CDK12: variants seen among roughly 807,000 people sequenced by gnomAD.
The protein encoded by CDK12 is cyclin dependent kinase 12, also known as cyclin-dependent kinase 12.
In CDK12, 17 loss-of-function variants were observed where a neutral mutation model predicts 133.8. The observed-to-expected ratio is 0.13, with a 90% CI of 0.09 to 0.19. The LOEUF (loss-of-function observed/expected upper bound fraction) is 0.19, where lower values mean the gene tolerates loss of function less well. Ranked by LOEUF, CDK12 falls within the 10% of genes least tolerant of loss-of-function variation. The probability of loss-of-function intolerance (pLI) is 1.00; values close to 1 mark genes in which losing one functional copy is unlikely to be tolerated. For missense variants in CDK12, 1,508 were observed against 1,818.7 expected, an observed-to-expected ratio of 0.83 and a Z score of 3.11; for synonymous variants, 694 against 683.6, an observed-to-expected ratio of 1.02 and a Z score of -0.24.
chr17:39,528,092 G>A (rs778783750), intron 13 of CDK12, among the ~76,000 whole-genome samples: 11 of 150,382 alleles, frequency 7.3e-5, no homozygotes, highest in African/African-American at 1.2e-4. Flanking sequence ...ATTTTTTTTT[G>A]TATTTTTAGT....
intron 2 of CDK12, among the ~76,000 whole-genome samples, chr17:39,482,631 GTC>G (rs1310789704): frequency 3.2e-5 from 1 of 31,396 alleles, no homozygotes. Context: ...GAGGCAGAGT[GTC>G]TCTCTGTCAC....
intron 1 of CDK12, among the ~76,000 whole-genome samples, chr17:39,467,594 AG>A (rs904679964): frequency 3.3e-5 from 5 of 152,150 alleles, no homozygotes; most frequent in African/African-American, 1.2e-4. Context: ...GAGAAATTGA[AG>A]GGTTTCTAAC....
chr17:39,540,602 G>A (rs557921939), intron 1 of CDK12, among the ~76,000 whole-genome samples: 1 of 152,352 alleles, frequency 6.6e-6, no homozygotes, highest in East Asian at 1.9e-4. Context: ...GCCTGTGGCA[G>A]CATGTGCCTG....
At position 39,511,592 on chromosome 17, in the gene CDK12, G is replaced by A. The variant is rs1598118728; in HGVS notation, c.2730G>A (p.Glu910=). ...WYRPPELLLG[E]ERYTPAIDVW... The stretch of plus-strand genomic sequence containing the variant: ...GACCTCCAGAACTACTGCTAGGAGA[G>A]GAACGTTACACACCAGCCATAGATG... The change falls in exon 8 of 14, where the codon GAG becomes GAA. Residue 910 remains glutamate, a synonymous_variant. Coordinates refer to ENST00000447079, the MANE Select transcript of CDK12 (RefSeq NM_016507.4). 1 of 1,613,040 alleles carries A rather than the reference G, an allele frequency of 6.2e-7. No homozygotes were observed. The highest frequency in any genetic ancestry group is 1.3e-5 in the African/African-American group (1 of 75,014).
chr17:39,537,744 A>G (rs2055205687), downstream of CDK12, among the ~76,000 whole-genome samples: 1 of 151,744 alleles, frequency 6.6e-6, no homozygotes, highest in African/African-American at 2.4e-5. Flanking sequence ...TTGTATTTTT[A>G]GTAGTGACAG....
downstream of CDK12, among the ~76,000 whole-genome samples, chr17:39,536,370 G>A (rs1277011547): frequency 6.6e-6 from 1 of 152,122 alleles, no homozygotes; most frequent in Non-Finnish European, 1.5e-5. Flanking sequence ...CTACTGTAGT[G>A]GAAAGTGAAG....
chr17:39,482,055 C>T (rs576749993), intron 2 of CDK12, among the ~76,000 whole-genome samples: 8 of 98,564 alleles, frequency 8.1e-5, no homozygotes, highest in African/African-American at 2.4e-4. Context: ...TTTTTTTAGC[C>T]CAGGCTGGAG....
At chr17:39,494,214 C>T (rs1339782425) in intron 4 of CDK12, among the ~76,000 whole-genome samples, 3 of 152,176 alleles carry the variant, frequency 2.0e-5, no homozygotes, top group South Asian at 2.1e-4. Context: ...GCTGGGATTA[C>T]AGGCATCCAC....
At chr17:39,499,214 T>TC (rs1344804298) in intron 5 of CDK12, among the ~76,000 whole-genome samples, 3 of 105,242 alleles carry the variant, frequency 2.9e-5, no homozygotes, top group Admixed American at 1.1e-4. Flanking sequence ...TTTCCTTTTT[T>TC]TTTTTTTTTT....
At chr17:39,517,003 G>T (rs894368578) in intron 9 of CDK12, among the ~76,000 whole-genome samples, 7 of 152,006 alleles carry the variant, frequency 4.6e-5, no homozygotes, top group Admixed American at 4.6e-4. Flanking sequence ...TGATATTTTT[G>T]TTGTTGTTAT....
At chr17:39,540,659 C>T (rs948685760) in intron 1 of CDK12, among the ~76,000 whole-genome samples, 1 of 152,184 alleles carries the variant, frequency 6.6e-6, no homozygotes, top group East Asian at 1.9e-4. Context: ...CTTTTTCTGT[C>T]CCTCCCTAGG....
intron 5 of CDK12, among the ~76,000 whole-genome samples, chr17:39,494,907 C>T (rs1315848308): frequency 6.6e-6 from 1 of 151,766 alleles, no homozygotes; most frequent in Non-Finnish European, 1.5e-5. Context: ...GCAGCTGGGA[C>T]TACAGGCGCC....
upstream of CDK12, among the ~76,000 whole-genome samples, chr17:39,547,192 A>G (rs372554708): frequency 1.4e-5 from 2 of 146,700 alleles, no homozygotes; most frequent in African/African-American, 5.1e-5. Context: ...CTGGAGTGCA[A>G]TGGCACGATC....
At chr17:39,559,341 G>A (rs779470137) in intron 3 of CDK12, among the ~76,000 whole-genome samples, 32 of 152,136 alleles carry the variant, frequency 2.1e-4, no homozygotes, top group African/African-American at 4.6e-4. Flanking sequence ...CTAGTTTTAC[G>A]TGTTCTCATA....
chr17:39,496,204 C>T lies in CDK12; in HGVS notation c.2419+1510C>T, dbSNP rs369654463. ...GGGATGACAAGGGTGAGCCACCACA[C>T]TCAGCCCTGCTTTTAGTACTTTATG... is the stretch of plus-strand genomic sequence containing the variant. On this transcript the variant is annotated intron_variant, in intron 5 of 13. Coordinates refer to ENST00000447079, the MANE Select transcript of CDK12 (RefSeq NM_016507.4). Among the ~76,000 whole-genome samples, 11 of 152,296 alleles carry T rather than the reference C, an allele frequency of 7.2e-5. No individual in the cohort carries two copies. In the South Asian group the frequency reaches 2.3e-3, roughly 32 times the overall value.
chr17:39,553,576 C>G lies in CDK12; in HGVS notation n.356+2434C>G, dbSNP rs1306548489. On this transcript the variant is annotated intron_variant and non_coding_transcript_variant, in intron 2 of 3. Coordinates refer to the CDK12 transcript ENST00000558240. The stretch of plus-strand genomic sequence containing the variant: ...GCTGTGCAGGCAGCCAGCTCTCTGC[C>G]CCAGCACAGAGCACATGCTGAGGTC... Among the ~76,000 whole-genome samples the G allele has an allele frequency of 2.0e-5, 3 of 152,314 alleles. No individual in the cohort carries two copies. The East Asian group carries it at 5.8e-4, about 29-fold the overall frequency.
At chr17:39,464,484 C>T (rs965684057) in intron 1 of CDK12, among the ~76,000 whole-genome samples, 15 of 151,408 alleles carry the variant, frequency 9.9e-5, no homozygotes, top group Non-Finnish European at 4.4e-5. Context: ...AATCCTCCTG[C>T]CTCCCAAAGT....
intron 1 of CDK12, among the ~76,000 whole-genome samples, chr17:39,539,723 A>G (rs2055320165): frequency 6.6e-6 from 1 of 152,198 alleles, no homozygotes; most frequent in Non-Finnish European, 1.5e-5. Context: ...TGTAATATAA[A>G]ACTATTATAA....
intron 6 of CDK12, among the ~76,000 whole-genome samples, chr17:39,508,491 A>G (rs1420823577): frequency 6.6e-6 from 1 of 152,130 alleles, no homozygotes; most frequent in African/African-American, 2.4e-5. Flanking sequence ...TAGATTCCCA[A>G]CATCTCGTCT....
Sources: gnomAD v4.1 joint callset for allele counts (sites outside exome capture counted in the v4.1 genomes callset) on GRCh38, gnomAD v4.1.1 for gene constraint, MANE v1.5 for transcripts, NCBI Gene and HGNC (gene_info 2026-07-23, HGNC 2026-07-21) for gene names.